Variants in VAV3 observed in about 807,000 individuals in gnomAD.
VAV3 encodes the protein vav guanine nucleotide exchange factor 3, also known as guanine nucleotide exchange factor VAV3.
In VAV3, 94 loss-of-function variants were observed where a neutral mutation model predicts 131.2. That is an observed-to-expected ratio of 0.72 (90% CI 0.61 to 0.85). The LOEUF is 0.85. VAV3 is among the 40% of genes least tolerant of loss of function. The pLI is 0.00. For missense variants in VAV3, 939 were observed against 1,002.7 expected, an observed-to-expected ratio of 0.94 and a Z score of 0.86; for synonymous variants, 349 against 342.0, an observed-to-expected ratio of 1.02 and a Z score of -0.22.
intron 1 of VAV3, among the ~76,000 whole-genome samples, chr1:107,905,250 C>T (rs1264817996): frequency 2.0e-5 from 3 of 152,198 alleles, no homozygotes; most frequent in Non-Finnish European, 4.4e-5. Context: ...TTAGGTTGCC[C>T]TTCACTTCAT....
chr1:107,634,980 G>A (rs1654803749), intron 20 of VAV3, among the ~76,000 whole-genome samples: 1 of 151,652 alleles, frequency 6.6e-6, no homozygotes, highest in Admixed American at 6.6e-5. Flanking sequence ...ACAGGTGCTG[G>A]AGAGGATGTG....
At chr1:107,701,449 C>A (rs1027032731) in intron 17 of VAV3, among the ~76,000 whole-genome samples, 1 of 104,680 alleles carries the variant, frequency 9.6e-6, no homozygotes, top group African/African-American at 2.9e-5. Context: ...ATCCAGTCCA[C>A]AAAACCATTT....
rs117378972 is a variant in VAV3 at position 107,901,760 on chromosome 1, G to A, written c.205-26743C>T. Reference sequence around the variant, plus strand: ...GAGATAACTACTTAAAAACAAAACTGGGCTGGAGAGGGTGGTTCACGCCTG... The same window carrying A: ...GAGATAACTACTTAAAAACAAAACTAGGCTGGAGAGGGTGGTTCACGCCTG... On this transcript the variant is annotated intron_variant, in intron 1 of 26. Transcript: ENST00000370056. Among the ~76,000 whole-genome samples the A allele has an allele frequency of 1.4e-3, 208 of 152,198 alleles. 2 individuals carry two copies. In the East Asian group the frequency reaches 0.038, roughly 27 times the overall value.
chr1:107,779,679 A>G (rs1382551524), intron 2 of VAV3, among the ~76,000 whole-genome samples, 187 bp from the exon 3 acceptor site: 1 of 152,164 alleles, frequency 6.6e-6, no homozygotes, highest in Non-Finnish European at 1.5e-5. Flanking sequence ...TTTTATAATT[A>G]TTACTTAAAG....
chr1:107,926,413 A>T (rs1257289499), intron 1 of VAV3, among the ~76,000 whole-genome samples: 1 of 152,228 alleles, frequency 6.6e-6, no homozygotes, highest in African/African-American at 2.4e-5. Context: ...GGCTACACCA[A>T]TTGTCTCCTT....
chr1:107,841,506 C>T (rs1029797065), intron 2 of VAV3, among the ~76,000 whole-genome samples: 4 of 152,134 alleles, frequency 2.6e-5, no homozygotes, highest in Non-Finnish European at 5.9e-5. Flanking sequence ...AGAAAACAAT[C>T]TTTCTCCACT....
At chr1:107,846,389 T>C (rs144106156) in intron 2 of VAV3, among the ~76,000 whole-genome samples, 2 of 151,136 alleles carry the variant, frequency 1.3e-5, no homozygotes, top group East Asian at 3.9e-4. Context: ...AACTGCATAA[T>C]GACAGGATCA....
At chr1:107,869,270 C>A (rs910671906) in intron 2 of VAV3, among the ~76,000 whole-genome samples, 1 of 152,100 alleles carries the variant, frequency 6.6e-6, no homozygotes, top group African/African-American at 2.4e-5. Context: ...GAAACGATGG[C>A]TGTGCAAAAT....
intron 25 of VAV3, among the ~76,000 whole-genome samples, chr1:107,582,186 G>A (rs543734923): frequency 2.4e-4 from 36 of 152,222 alleles, no homozygotes; most frequent in Non-Finnish European, 4.6e-4. Flanking sequence ...TAGGAGGTTC[G>A]TTTTGCCAAG....
At chr1:107,577,518 G>C (rs1299997157) in intron 25 of VAV3, among the ~76,000 whole-genome samples, 3 of 152,162 alleles carry the variant, frequency 2.0e-5, no homozygotes, top group Non-Finnish European at 2.9e-5. Context: ...CTTGCAGTTC[G>C]GTATAGCCAT....
chr1:107,589,103 A>G (rs1650735421), intron 25 of VAV3, among the ~76,000 whole-genome samples: 1 of 152,220 alleles, frequency 6.6e-6, no homozygotes, highest in Non-Finnish European at 1.5e-5. Context: ...TCCAAGTTAC[A>G]AAATGACAAA....
chr1:107,719,179 A>G (rs1467808484), intron 15 of VAV3, among the ~76,000 whole-genome samples: 2 of 152,228 alleles, frequency 1.3e-5, no homozygotes, highest in Non-Finnish European at 2.9e-5. Context: ...ACCAAAAGCA[A>G]TGGTAACAGA....
At chr1:107,689,945 C>A (rs1297829277) in intron 17 of VAV3, among the ~76,000 whole-genome samples, 1 of 152,114 alleles carries the variant, frequency 6.6e-6, no homozygotes, top group Admixed American at 6.5e-5. Flanking sequence ...ACCAGAATAT[C>A]CCTATTCCCC....
intron 20 of VAV3, among the ~76,000 whole-genome samples, chr1:107,636,568 A>G (rs532263177): frequency 6.6e-6 from 1 of 152,318 alleles, no homozygotes; most frequent in African/African-American, 2.4e-5. Flanking sequence ...ATATTAGCCC[A>G]CAGTTGGGCA....
intron 1 of VAV3, among the ~76,000 whole-genome samples, chr1:107,898,515 T>G: frequency 6.6e-6 from 1 of 152,180 alleles, no homozygotes; most frequent in South Asian, 2.1e-4. Flanking sequence ...TTATAAGTGC[T>G]CTGTTACTTA....
chr1:107,848,752 G>C (rs879826974), intron 2 of VAV3, among the ~76,000 whole-genome samples: 4 of 152,054 alleles, frequency 2.6e-5, no homozygotes, highest in Non-Finnish European at 5.9e-5. Context: ...AGAAATAAAG[G>C]GCATTCAAAT....
intron 2 of VAV3, among the ~76,000 whole-genome samples, chr1:107,795,717 C>T (rs546862247): frequency 7.2e-5 from 11 of 152,194 alleles, no homozygotes; most frequent in Non-Finnish European, 1.5e-4. Context: ...TTGCATAAGT[C>T]GTTAGGGCTT....
intron 1 of VAV3, among the ~76,000 whole-genome samples, chr1:107,884,622 TA>T (rs938527493): frequency 1.3e-4 from 19 of 151,574 alleles, no homozygotes; most frequent in African/African-American, 4.6e-4. Context: ...ATTTATTTTT[TA>T]TTTTTTTGTA....
At chr1:107,683,088 G>A (rs1309210551) in intron 19 of VAV3, among the ~76,000 whole-genome samples, 1 of 152,186 alleles carries the variant, frequency 6.6e-6, no homozygotes, top group Non-Finnish European at 1.5e-5. Flanking sequence ...TTCTCTGATG[G>A]AGGGTGGGTA....
Sources: allele counts gnomAD v4.1 joint callset (sites outside exome capture counted in the v4.1 genomes callset), GRCh38; gene constraint gnomAD v4.1.1; transcripts MANE v1.5; gene names NCBI Gene and HGNC (gene_info 2026-07-23, HGNC 2026-07-21).